DOCK8: variants seen among roughly 807,000 people sequenced by gnomAD.
DOCK8 encodes dedicator of cytokinesis 8, also known as dedicator of cytokinesis protein 8.
A neutral mutation model predicts 245.6 loss-of-function variants in DOCK8; 141 were observed. The ratio of observed to expected loss-of-function variants is 0.57; its 90% CI spans 0.50 to 0.66. DOCK8 has a LOEUF of 0.66. DOCK8 is among the 30% of genes least tolerant of loss of function. The pLI, the probability that DOCK8 is intolerant of heterozygous loss-of-function variation, is 0.00. For synonymous variants in DOCK8, 1,168 were observed against 970.2 expected, an observed-to-expected ratio of 1.20 and a Z score of -3.79; for missense variants, 2,965 against 2,603.4, an observed-to-expected ratio of 1.14 and a Z score of -3.02.
intron 14 of DOCK8, among the ~76,000 whole-genome samples, chr9:343,612 C>T (rs1452433083): frequency 6.6e-6 from 1 of 152,190 alleles, no homozygotes; most frequent in Non-Finnish European, 1.5e-5. Context: ...TTTAATCCTT[C>T]CTGGAGCAGC....
intron 46 of DOCK8, chr9:454,395 A>C (rs561695598): frequency 6.6e-6 from 1 of 152,208 alleles, no homozygotes; most frequent in South Asian, 2.1e-4. Context: ...TATCATAGGT[A>C]TGTATGTATA....
At chr9:320,116 A>G (rs1420075113) in intron 7 of DOCK8, among the ~76,000 whole-genome samples, 3 of 152,010 alleles carry the variant, frequency 2.0e-5, no homozygotes, top group South Asian at 2.1e-4. Flanking sequence ...GAAAAAGCCC[A>G]GGTTCTGTGA....
chr9:371,511 A>T lies in DOCK8; in HGVS notation c.1952A>T (p.His651Leu). The T allele has an allele frequency of 6.2e-7, 1 of 1,614,182 alleles. No individual in the cohort carries two copies. Among genetic ancestry groups the T allele is most frequent in the Non-Finnish European group, 8.5e-7 (1 of 1,180,020 alleles). ...VNHHLLFTFY[H>L]ISCQQKQGAS... ...CACCACCTCCTGTTCACCTTCTACC[A>T]TATCAGCTGTCAGCAGAAGCAAGGA... is the stretch of plus-strand genomic sequence containing the variant. The change falls in exon 17 of 48, where the codon CAT (histidine) becomes CTT (leucine). Residue 651 changes from histidine to leucine, a missense_variant. Transcript: ENST00000432829.
In DOCK8 at chr9:368,288, G is replaced by A. The variant is rs12115371; in HGVS notation, c.1797+153G>A. 0.061 allele frequency: 47,470 copies of A among 784,104 alleles called. 4,334 individuals carry two copies. Among genetic ancestry groups the A allele is most frequent in the African/African-American group, 0.35 (20,871 of 58,846 alleles). The allele number at this position is 784,104 out of a possible 1,614,324, so 48.6% of individuals were successfully genotyped here. A position where few individuals can be genotyped will look rare whatever the true frequency, so the allele number is the denominator to read the frequency against. On this transcript the variant is annotated intron_variant, in intron 15 of 47. Coordinates refer to ENST00000432829, the MANE Select transcript of DOCK8 (RefSeq NM_203447.4). ...AAGGGCTTCTGTGCCCAGGATATCA[G>A]TGGGGAAACAGGGTCAGTCTTACTT...
At chr9:313,417 T>C (rs1277835988) in intron 6 of DOCK8, among the ~76,000 whole-genome samples, 1 of 152,268 alleles carries the variant, frequency 6.6e-6, no homozygotes, top group Non-Finnish European at 1.5e-5. Context: ...TTTCTTTTCT[T>C]TTCTTATCCT....
rs140111650 is a variant in DOCK8, at chr9:445,614, G to A, written c.5581-756G>A. ...GATCCACCACTCCAAAATACTTCCC[G>A]TGCCCATTGGTAGTCCATGTTGCAA... On this transcript the variant is annotated intron_variant, in intron 43 of 47. Transcript: ENST00000432829. Among the ~76,000 whole-genome samples the A allele has an allele frequency of 1.5e-3, 226 of 152,262 alleles. 1 individual carries two copies. Among genetic ancestry groups the A allele is most frequent in the African/African-American group, 5.1e-3 (210 of 41,552 alleles).
At chr9:281,361 T>A (rs1021235339) in intron 2 of DOCK8, among the ~76,000 whole-genome samples, 1 of 152,250 alleles carries the variant, frequency 6.6e-6, no homozygotes, top group African/African-American at 2.4e-5. Context: ...ACCTTGAAAT[T>A]ACTTTGATGT....
Position 215,362 on chromosome 9 carries a change from G to C in DOCK8, c.53+333G>C, listed in dbSNP as rs750957777. ...GTCCCAGAAGGGTGATAGGCGCCTG[G>C]GTAACCGTGTTGGGCGCGCCACGGA... On this transcript the variant is annotated intron_variant, in intron 1 of 47. Coordinates refer to ENST00000432829, the MANE Select transcript of DOCK8 (RefSeq NM_203447.4). The C allele has an allele frequency of 5.0e-6, 8 of 1,596,940 alleles. No individual in the cohort carries two copies. The East Asian group carries it at 1.4e-4, about 28-fold the overall frequency.
intron 20 of DOCK8, among the ~76,000 whole-genome samples, chr9:378,494 G>A (rs12346764): frequency 0.11 from 16,489 of 152,232 alleles, 1,670 homozygotes; most frequent in African/African-American, 0.27. Flanking sequence ...TGCATCTTCT[G>A]TGGTTCCACA....
intron 1 of DOCK8, among the ~76,000 whole-genome samples, chr9:229,622 T>C (rs1026209065): frequency 6.6e-6 from 1 of 152,114 alleles, no homozygotes; most frequent in Non-Finnish European, 1.5e-5. Flanking sequence ...AGCTCTTTAT[T>C]CTCAAGAGTT....
chr9:311,112 C>G (rs150369588), intron 5 of DOCK8, among the ~76,000 whole-genome samples: 1,718 of 151,990 alleles, frequency 0.011, 18 homozygotes, highest in South Asian at 0.032. Flanking sequence ...ATGGTGAAAC[C>G]CTATCTCTAC....
intron 4 of DOCK8, among the ~76,000 whole-genome samples, chr9:290,349 T>G (rs2048987495): frequency 6.6e-6 from 1 of 152,186 alleles, no homozygotes; most frequent in African/African-American, 2.4e-5. Context: ...GAGATAATTC[T>G]TCTTCCAGTA....
chr9:315,424 G>A (rs2050302257), intron 6 of DOCK8, among the ~76,000 whole-genome samples: 1 of 152,118 alleles, frequency 6.6e-6, no homozygotes, highest in African/African-American at 2.4e-5. Context: ...TGTCATATGT[G>A]GACCTTGTTT....
chr9:270,173 T>A (rs1400702952), intron 1 of DOCK8, among the ~76,000 whole-genome samples: 2 of 152,328 alleles, frequency 1.3e-5, no homozygotes, highest in Middle Eastern at 3.4e-3. Context: ...CTTATACTTT[T>A]AAAAAATTAA....
At chr9:279,511 G>A (rs2048489874) in intron 2 of DOCK8, among the ~76,000 whole-genome samples, 1 of 152,152 alleles carries the variant, frequency 6.6e-6, no homozygotes, top group Non-Finnish European at 1.5e-5. Flanking sequence ...GTAAAATAGA[G>A]GAACGAACTG....
At chr9:437,835 T>C (rs1186595477) in intron 39 of DOCK8, among the ~76,000 whole-genome samples, 1 of 152,252 alleles carries the variant, frequency 6.6e-6, no homozygotes, top group African/African-American at 2.4e-5. Flanking sequence ...TAGATACTGC[T>C]GTTACTTGTA....
chr9:378,269 A>T (rs769058597), intron 20 of DOCK8, among the ~76,000 whole-genome samples: 1 of 152,204 alleles, frequency 6.6e-6, no homozygotes. Context: ...TGAAGAAGGG[A>T]TAGAGTGAAA....
chr9:277,473 A>AAG (rs2048398879), intron 2 of DOCK8, among the ~76,000 whole-genome samples: 1 of 127,914 alleles, frequency 7.8e-6, no homozygotes, highest in Non-Finnish European at 1.5e-5. Context: ...AGAGAAGAGA[A>AAG]GAGAAGAGAA....
In DOCK8 at chr9:439,292, C is replaced by T. The variant is rs372590839; in HGVS notation, c.5127C>T (p.Thr1709=). ...VLEESVVSED[T]LSPDEDGVCA... is the part of the protein sequence containing the mutation. ...AGGAGTCTGTGGTCTCTGAGGACAC[C>T]CTGTCACCTGACGAGGATGGGGTGT... Residue 1709 remains threonine (T), a synonymous_variant, in exon 40 of 48, where the codon ACC becomes ACT. Coordinates refer to ENST00000432829, the MANE Select transcript of DOCK8 (RefSeq NM_203447.4). 2.5e-6 allele frequency: 4 copies of T among 1,614,040 alleles called. No homozygotes were observed. Among genetic ancestry groups the T allele is most frequent in the Non-Finnish European group, 2.5e-6 (3 of 1,180,040 alleles).
Sources: gnomAD v4.1 joint callset for allele counts (sites outside exome capture counted in the v4.1 genomes callset) on GRCh38, gnomAD v4.1.1 for gene constraint, MANE v1.5 for transcripts, NCBI Gene and HGNC (gene_info 2026-07-23, HGNC 2026-07-21) for gene names.